Variants in MTMR3 observed in about 807,000 individuals in gnomAD.
MTMR3 encodes myotubularin related protein 3.
Under a neutral mutation model 132.4 loss-of-function variants are expected in MTMR3, and 32 were observed. The ratio of observed to expected loss-of-function variants is 0.24; its 90% confidence interval spans 0.18 to 0.32. The LOEUF is 0.32. MTMR3 is among the 10% of genes least tolerant of loss of function. The probability of loss-of-function intolerance (pLI) is 1.00; values close to 1 mark genes in which losing one functional copy is unlikely to be tolerated. For missense variants in MTMR3, 1,216 were observed against 1,489.6 expected, an observed-to-expected ratio of 0.82 and a Z score of 3.02; for synonymous variants, 556 against 550.3, an observed-to-expected ratio of 1.01 and a Z score of -0.14.
chr22:29,906,473 C>T (rs931874157), intron 1 of MTMR3, among the ~76,000 whole-genome samples: 4 of 146,976 alleles, frequency 2.7e-5, no homozygotes, highest in Non-Finnish European at 4.5e-5. Context: ...GGATTACAGG[C>T]GTGTGCCACC....
In MTMR3 at chr22:30,007,454, A is replaced by AT; in HGVS notation, c.877+137dup. 3 of 860,776 alleles carry AT rather than the reference A, an allele frequency of 3.5e-6. No homozygotes were observed. The South Asian group carries it at 5.2e-5, about 15-fold the overall frequency. 53.3% of individuals were successfully genotyped at this position (860,776 alleles called of 1,614,324 possible). On this transcript the variant is annotated intron_variant, in intron 10 of 19. Coordinates refer to ENST00000401950, the MANE Select transcript of MTMR3 (RefSeq NM_021090.4). ...TGCAGAGCTTCACTTGATGGGATTG[A>AT]TTGAGGAGTCATGGGTCTTGGCAGA...
chr22:29,884,982 C>G (rs2145690236), intron 1 of MTMR3, among the ~76,000 whole-genome samples: 1 of 152,302 alleles, frequency 6.6e-6, no homozygotes. Context: ...ATTACTCCCT[C>G]ATTTTCAGGT....
chr22:30,016,459 T>C, intron 14 of MTMR3, 69 bp from the exon 15 acceptor site: 3 of 1,540,540 alleles, frequency 1.9e-6, no homozygotes, highest in Non-Finnish European at 2.7e-6. Context: ...ATAAGGTGGC[T>C]CAGCTGAGCT....
At chr22:30,009,400 C>G in intron 12 of MTMR3, 1 of 380,040 alleles carries the variant, frequency 2.6e-6, no homozygotes, top group South Asian at 3.5e-5. Flanking sequence ...AGCATCAAAA[C>G]AGAAGCATTA....
intron 1 of MTMR3, among the ~76,000 whole-genome samples, chr22:29,907,438 C>T (rs1470470974): frequency 6.6e-6 from 1 of 151,356 alleles, no homozygotes; most frequent in Non-Finnish European, 1.5e-5. Flanking sequence ...TGATGGGTTC[C>T]TCTAAAACCC....
intron 5 of MTMR3, chr22:29,979,882 C>G (rs1435457255): frequency 6.6e-6 from 1 of 152,262 alleles, no homozygotes; most frequent in East Asian, 1.9e-4. Context: ...GAAAAGGAAG[C>G]CTCTTGATTC....
chr22:29,973,986 A>G (rs78523179), intron 3 of MTMR3, among the ~76,000 whole-genome samples: 12 of 152,286 alleles, frequency 7.9e-5, no homozygotes, highest in East Asian at 3.9e-4. Flanking sequence ...AATTTAGCCA[A>G]TAGCAGAAAC....
chr22:30,016,221 G>A (rs1181911714), intron 14 of MTMR3: 4 of 289,494 alleles, frequency 1.4e-5, no homozygotes, highest in South Asian at 5.6e-5. Context: ...GTACACTGAC[G>A]TGCTCCTGCA....
intron 1 of MTMR3, among the ~76,000 whole-genome samples, chr22:29,955,778 A>G (rs957674662): frequency 6.6e-6 from 1 of 152,060 alleles, no homozygotes; most frequent in African/African-American, 2.4e-5. Flanking sequence ...TTGAGATGGA[A>G]TCTCACACTG....
intron 1 of MTMR3, among the ~76,000 whole-genome samples, chr22:29,884,551 CTTTT>C (rs35960936): frequency 0.11 from 6,842 of 62,512 alleles, 314 homozygotes; most frequent in Middle Eastern, 0.19. Context: ...CAGAATGACA[CTTTT>C]TTTTTTTTTT....
At position 30,020,445 on chromosome 22, in the gene MTMR3, A is replaced by T. The variant is rs149113635; in HGVS notation, c.2786A>T (p.Asn929Ile). The T allele has an allele frequency of 8.1e-6, 13 of 1,614,014 alleles. No homozygotes were observed. The highest frequency in any genetic ancestry group is 1.1e-5 in the Non-Finnish European group (13 of 1,180,042). The part of the protein sequence containing the change: ...LAECKEGLVC[N>I]GAPETENRAS... ...GAATGTAAAGAGGGGCTTGTGTGCAATGGTGCCCCAGAGACTGAAAACAGG... is the reference window on the plus strand; with the variant it reads ...GAATGTAAAGAGGGGCTTGTGTGCATTGGTGCCCCAGAGACTGAAAACAGG... Residue 929 changes from asparagine to isoleucine, a missense_variant, in exon 17 of 20, where the codon AAT (asparagine) becomes ATT (isoleucine). Around this residue, in one of 7 missense-constraint regions of MTMR3, gnomAD observed 852 missense variants for 852.0 expected, o/e 1.00. Coordinates refer to ENST00000401950, the MANE Select transcript of MTMR3 (RefSeq NM_021090.4).
intron 1 of MTMR3, among the ~76,000 whole-genome samples, chr22:29,908,876 T>C (rs1211708705): frequency 6.6e-6 from 1 of 152,232 alleles, no homozygotes; most frequent in Non-Finnish European, 1.5e-5. Flanking sequence ...ATTTCCAAAG[T>C]GCTGTCATTT....
At chr22:29,948,679 A>T (rs2065996959) in intron 1 of MTMR3, among the ~76,000 whole-genome samples, 1 of 152,102 alleles carries the variant, frequency 6.6e-6, no homozygotes, top group African/African-American at 2.4e-5. Context: ...GAGTTTAGAA[A>T]TTTGTCTTTT....
chr22:29,934,136 C>T (rs975040352), intron 1 of MTMR3, among the ~76,000 whole-genome samples: 21 of 152,188 alleles, frequency 1.4e-4, no homozygotes, highest in African/African-American at 4.3e-4. Flanking sequence ...GAGTGGATCA[C>T]GAGGTCAAGA....
chr22:29,953,802 C>T (rs2066128445), intron 1 of MTMR3, among the ~76,000 whole-genome samples: 1 of 152,252 alleles, frequency 6.6e-6, no homozygotes, highest in Non-Finnish European at 1.5e-5. Flanking sequence ...CACCCCTCTT[C>T]CCTGTTTGTC....
chr22:29,906,254 G>A (rs377393080), intron 1 of MTMR3, among the ~76,000 whole-genome samples: 1 of 63,720 alleles, frequency 1.6e-5, no homozygotes, highest in African/African-American at 1.1e-4. Context: ...CCGTCTGTCT[G>A]TCTGTCTGTC....
intron 19 of MTMR3, chr22:30,023,872 C>CG (rs2067833962): frequency 5.2e-6 from 1 of 191,626 alleles, no homozygotes; most frequent in Admixed American, 7.3e-5. Flanking sequence ...TTCTTTTTTC[C>CG]CTTTTTTTTT....
chr22:30,021,403 TGAG>T (rs898491526), intron 17 of MTMR3: 2 of 163,552 alleles, frequency 1.2e-5, no homozygotes, highest in Non-Finnish European at 1.3e-5. Flanking sequence ...CTAGCACTGT[TGAG>T]GAGTTAGCTC....
At chr22:29,952,564 C>G (rs1267122824) in intron 1 of MTMR3, among the ~76,000 whole-genome samples, 1 of 152,104 alleles carries the variant, frequency 6.6e-6, no homozygotes, top group Non-Finnish European at 1.5e-5. Flanking sequence ...GATATCACAC[C>G]TGACCCTGGA....
Sources: allele counts gnomAD v4.1 joint callset (sites outside exome capture counted in the v4.1 genomes callset), GRCh38; gene constraint gnomAD v4.1.1; regional missense constraint gnomAD v4.1.1; transcripts MANE v1.5; gene names NCBI Gene and HGNC (gene_info 2026-07-23, HGNC 2026-07-21).